The following CSNK2A2IP variants were observed in gnomAD, a reference collection of about 807,000 sequenced individuals.
CSNK2A2IP encodes the protein casein kinase II subunit alpha'-interacting protein.
chr3:88,458,464 A>T, the CSNK2A2IP span, among the ~76,000 whole-genome samples: 31 of 151,864 alleles, frequency 2.0e-4, no homozygotes, highest in African/African-American at 7.5e-4. Flanking sequence ...TTTGTTTTTA[A>T]TTCTTTATCT....
At chr3:88,466,037 A>G in the CSNK2A2IP span, 2 of 1,231,532 alleles carry the variant, frequency 1.6e-6, no homozygotes, top group East Asian at 3.2e-5. Flanking sequence ...TCCTCATTGG[A>G]CTACCTTTGG....
At chr3:88,396,098 C>A in the CSNK2A2IP span, among the ~76,000 whole-genome samples, 1 of 147,084 alleles carries the variant, frequency 6.8e-6, no homozygotes, top group African/African-American at 2.5e-5. Context: ...AGAGGACTAC[C>A]TACTTCTTTT....
At chr3:88,356,309 A>AT in the CSNK2A2IP span, among the ~76,000 whole-genome samples, 19 of 148,828 alleles carry the variant, frequency 1.3e-4, no homozygotes, top group African/African-American at 2.7e-4. Flanking sequence ...CATGGATTCA[A>AT]TTTTTTTTTT....
the CSNK2A2IP span, among the ~76,000 whole-genome samples, chr3:88,339,079 C>A: frequency 6.6e-5 from 10 of 151,978 alleles, no homozygotes; most frequent in Non-Finnish European, 1.0e-4. Context: ...TCCACTCTTT[C>A]AATTATTTAA....
the CSNK2A2IP span, among the ~76,000 whole-genome samples, chr3:88,351,284 A>G: frequency 6.6e-6 from 1 of 152,162 alleles, no homozygotes; most frequent in African/African-American, 2.4e-5. Context: ...ATGGAAATTA[A>G]AAATAATATA....
the CSNK2A2IP span, among the ~76,000 whole-genome samples, chr3:88,435,057 G>A: frequency 6.6e-6 from 1 of 152,132 alleles, no homozygotes; most frequent in Non-Finnish European, 1.5e-5. Flanking sequence ...GGTCTTTGAA[G>A]GGTGATGGGC....
the CSNK2A2IP span, among the ~76,000 whole-genome samples, chr3:88,385,906 T>C: frequency 1.3e-5 from 2 of 152,096 alleles, no homozygotes. Flanking sequence ...GTCACATAAA[T>C]ATAAAAGTCA....
At chr3:88,344,006 T>C in the CSNK2A2IP span, among the ~76,000 whole-genome samples, 2 of 151,994 alleles carry the variant, frequency 1.3e-5, no homozygotes, top group Non-Finnish European at 2.9e-5. Flanking sequence ...ATCATTTAAA[T>C]AAGAATATTT....
the CSNK2A2IP span, among the ~76,000 whole-genome samples, chr3:88,386,170 G>A: frequency 9.9e-5 from 15 of 151,754 alleles, no homozygotes; most frequent in African/African-American, 9.7e-5. Context: ...TATTGCCCAG[G>A]CTGGACTGCA....
At chr3:88,340,932 T>A in the CSNK2A2IP span, among the ~76,000 whole-genome samples, 1 of 151,928 alleles carries the variant, frequency 6.6e-6, no homozygotes, top group Admixed American at 6.6e-5. Context: ...TACATTAGAA[T>A]CAATGTTTGT....
chr3:88,407,712 CTATTTATTTATT>C, the CSNK2A2IP span, among the ~76,000 whole-genome samples: 1,786 of 150,170 alleles, frequency 0.012, 23 homozygotes, highest in South Asian at 0.015. Context: ...AGTGTGCAAT[CTATTTATTTATT>C]TATTTATTTA....
chr3:88,375,594 A>T, the CSNK2A2IP span, among the ~76,000 whole-genome samples: 3 of 151,652 alleles, frequency 2.0e-5, no homozygotes, highest in East Asian at 5.8e-4. Context: ...CTTCAAATGT[A>T]TGTAAAATAA....
At chr3:88,344,238 G>A in the CSNK2A2IP span, among the ~76,000 whole-genome samples, 1 of 148,954 alleles carries the variant, frequency 6.7e-6, no homozygotes, top group Non-Finnish European at 1.5e-5. Context: ...GAGACATGTG[G>A]TCATTTCCAT....
chr3:88,364,813 T>C, the CSNK2A2IP span, among the ~76,000 whole-genome samples: 2 of 152,276 alleles, frequency 1.3e-5, no homozygotes, highest in South Asian at 4.1e-4. Flanking sequence ...GAAGCACAGA[T>C]TTTAGACTGG....
chr3:88,382,901 G>A, the CSNK2A2IP span: 3 of 152,166 alleles, frequency 2.0e-5, no homozygotes, highest in Non-Finnish European at 4.4e-5. Context: ...ATTTAGCTCT[G>A]AGCTTCAATT....
At chr3:88,435,897 A>T in the CSNK2A2IP span, among the ~76,000 whole-genome samples, 1 of 17,174 alleles carries the variant, frequency 5.8e-5, no homozygotes, top group East Asian at 1.5e-3. Flanking sequence ...TATAATGCAC[A>T]TTATGTGTGC....
chr3:88,446,465 A>G, the CSNK2A2IP span, among the ~76,000 whole-genome samples: 1 of 152,188 alleles, frequency 6.6e-6, no homozygotes. Flanking sequence ...CTGTAACTGT[A>G]TAGGAGAACA....
At chr3:88,457,296 G>A in the CSNK2A2IP span, among the ~76,000 whole-genome samples, 1 of 152,088 alleles carries the variant, frequency 6.6e-6, no homozygotes, top group African/African-American at 2.4e-5. Context: ...TATGAATTTG[G>A]GGGAAGTGTA....
At chr3:88,392,626 C>A in the CSNK2A2IP span, among the ~76,000 whole-genome samples, 1 of 152,062 alleles carries the variant, frequency 6.6e-6, no homozygotes, top group Non-Finnish European at 1.5e-5. Context: ...AAACACATTG[C>A]AATTGAATTT....
Sources: allele counts gnomAD v4.1 joint callset (sites outside exome capture counted in the v4.1 genomes callset), GRCh38; gene constraint gnomAD v4.1.1; transcripts MANE v1.5; gene names NCBI Gene and HGNC (gene_info 2026-07-23, HGNC 2026-07-21).